The following KANSL1 variants were observed in gnomAD, a reference collection of about 807,000 sequenced individuals.
KANSL1 encodes KAT8 regulatory NSL complex subunit 1.
KANSL1 carries 22 observed loss-of-function variants against 103.6 expected under a neutral mutation model. The observed-to-expected ratio is 0.21, with a 90% CI of 0.15 to 0.30. The LOEUF (loss-of-function observed/expected upper bound fraction) is 0.30. Ranked by LOEUF, KANSL1 falls within the 10% of genes least tolerant of loss-of-function variation. KANSL1 has a pLI of 1.00. For synonymous variants in KANSL1, 600 were observed against 527.6 expected (o/e 1.14, Z -1.88); for missense variants, 1,337 against 1,399.8 (o/e 0.96, Z 0.72).
chr17:46,105,453 C>T (rs1454972840), intron 2 of KANSL1, among the ~76,000 whole-genome samples: 3 of 151,124 alleles, frequency 2.0e-5, no homozygotes, highest in African/African-American at 7.3e-5. Context: ...CCCGTCTCTA[C>T]TAAAAATACG....
chr17:46,167,850 G>A (rs557267707), intron 2 of KANSL1, among the ~76,000 whole-genome samples: 1 of 152,352 alleles, frequency 6.6e-6, no homozygotes, highest in East Asian at 1.9e-4. Flanking sequence ...TCCTCTGGGA[G>A]GTGGGAAAGA....
chr17:46,121,616 G>A (rs2147191248), intron 2 of KANSL1, among the ~76,000 whole-genome samples: 1 of 151,766 alleles, frequency 6.6e-6, no homozygotes, highest in South Asian at 2.1e-4. Context: ...ATTTTTTTCT[G>A]CATAGCATTT....
At chr17:46,121,740 T>C (rs1167715801) in intron 2 of KANSL1, among the ~76,000 whole-genome samples, 3 of 152,150 alleles carry the variant, frequency 2.0e-5, no homozygotes. Context: ...TAATTATTTG[T>C]TGAATGAATA....
chr17:46,154,999 C>CACA (rs1162710063), intron 2 of KANSL1, among the ~76,000 whole-genome samples: 3 of 152,214 alleles, frequency 2.0e-5, no homozygotes, highest in African/African-American at 7.2e-5. Context: ...ATAAAACAGA[C>CACA]ACAATGCTTA....
At chr17:46,111,454 C>T (rs377415308) in intron 2 of KANSL1, among the ~76,000 whole-genome samples, 9 of 152,332 alleles carry the variant, frequency 5.9e-5, no homozygotes, top group African/African-American at 2.2e-4. Context: ...AGATGATCCC[C>T]CTGCCTCCAC....
intron 1 of KANSL1, among the ~76,000 whole-genome samples, chr17:46,216,790 G>C (rs1475513812): frequency 6.6e-6 from 1 of 152,012 alleles, no homozygotes; most frequent in Non-Finnish European, 1.5e-5. Flanking sequence ...GGGCTGAATT[G>C]TGTTCCCCAA....
In KANSL1 at chr17:46,030,285, GAAAAA is replaced by G. The variant is rs910610046; in HGVS notation, c.*1186_*1190del. On this transcript the variant is annotated 3_prime_UTR_variant, in exon 15 of 15. Transcript: ENST00000432791. ...TGACAAACCCTTTAACTTGCAAACA[GAAAAA>G]AAAATCACTAATGTTGAAAATTGTG... The G allele has an allele frequency of 6.9e-6, 1 of 145,110 alleles. No homozygotes were observed. The highest frequency in any genetic ancestry group is 1.5e-5 in the Non-Finnish European group (1 of 65,944). The allele number at this position is 145,110 out of a possible 1,614,324, so 9.0% of individuals were successfully genotyped here.
At chr17:46,180,569 C>T (rs183843585) in intron 1 of KANSL1, among the ~76,000 whole-genome samples, 1 of 152,088 alleles carries the variant, frequency 6.6e-6, no homozygotes, top group Admixed American at 6.6e-5. Flanking sequence ...GCCTGTAGTC[C>T]CAGCTACTAG....
chr17:46,139,465 T>G (rs2044311985), intron 2 of KANSL1, among the ~76,000 whole-genome samples: 1 of 152,252 alleles, frequency 6.6e-6, no homozygotes, highest in Non-Finnish European at 1.5e-5. Flanking sequence ...TTCCTCCACC[T>G]GTGCCACTAC....
chr17:46,086,305 A>AAGT (rs1435295535), intron 3 of KANSL1, among the ~76,000 whole-genome samples: 2 of 152,226 alleles, frequency 1.3e-5, no homozygotes, highest in African/African-American at 4.8e-5. Context: ...GGTAGGGACC[A>AAGT]TCTATTCATC....
At chr17:46,191,310 T>C (rs577173485) in intron 1 of KANSL1, among the ~76,000 whole-genome samples, 19 of 152,348 alleles carry the variant, frequency 1.2e-4, no homozygotes, top group Admixed American at 9.1e-4. Context: ...TCACTGTTGA[T>C]AGGTTAAAAA....
At chr17:46,133,120 G>GA (rs1191313291) in intron 2 of KANSL1, among the ~76,000 whole-genome samples, 7 of 152,156 alleles carry the variant, frequency 4.6e-5, no homozygotes, top group Non-Finnish European at 1.0e-4. Flanking sequence ...ATTAACAGAA[G>GA]AAAAACTGAG....
intron 2 of KANSL1, among the ~76,000 whole-genome samples, chr17:46,155,155 ATTTTTTTTT>A (rs33974360): frequency 2.1e-4 from 22 of 103,854 alleles, no homozygotes; most frequent in African/African-American, 7.5e-4. Flanking sequence ...TCAGCCAGGG[ATTTTTTTTT>A]TTTTTTTTTT....
chr17:46,136,179 G>A (rs1239224485), intron 2 of KANSL1, among the ~76,000 whole-genome samples: 4 of 151,896 alleles, frequency 2.6e-5, no homozygotes, highest in Admixed American at 1.3e-4. Context: ...ATGTATTTGG[G>A]AAAATAATAA....
chr17:46,096,311 C>CTTTTTTTTTTTTTTTTTTTTTT lies in KANSL1; in HGVS notation c.1290-1611_1290-1610insAAAAAAAAAAAAAAAAAAAAAA, dbSNP rs71138525. 2.1e-3 allele frequency among the ~76,000 whole-genome samples: 164 copies of CTTTTTTTTTTTTTTTTTTTTTT among 76,404 alleles called. 9 individuals are homozygous for CTTTTTTTTTTTTTTTTTTTTTT. The highest frequency in any genetic ancestry group is 0.014 in the Middle Eastern group (1 of 70). 50.1% of individuals were successfully genotyped at this position (76,404 alleles called of 152,430 possible). A position where few individuals can be genotyped will look rare whatever the true frequency, so the allele number is the denominator to read the frequency against. ...CATACTACATACCTGGCTTTTTTTT[C>CTTTTTTTTTTTTTTTTTTTTTT]TTTTTTTTTTTTTTTTTTTTTGAGA... On this transcript the variant is annotated intron_variant, in intron 2 of 14. Coordinates refer to ENST00000432791, the MANE Select transcript of KANSL1 (RefSeq NM_015443.4).
At chr17:46,074,665 G>A (rs1051292626) in intron 4 of KANSL1, among the ~76,000 whole-genome samples, 1 of 152,044 alleles carries the variant, frequency 6.6e-6, no homozygotes, top group Admixed American at 6.5e-5. Context: ...TACTTGGGAG[G>A]CTGAGAGATG....
intron 2 of KANSL1, among the ~76,000 whole-genome samples, chr17:46,102,245 C>CATTTTTTTTTTTTTTTT (rs2042353395): frequency 6.6e-6 from 1 of 151,966 alleles, no homozygotes; most frequent in Admixed American, 6.6e-5. Flanking sequence ...AACAAATGTA[C>CATTTTTTTTTTTTTTTT]CAGAGCCAAT....
chr17:46,105,419 C>G (rs1468800512), intron 2 of KANSL1, among the ~76,000 whole-genome samples: 1 of 152,098 alleles, frequency 6.6e-6, no homozygotes, highest in Non-Finnish European at 1.5e-5. Flanking sequence ...GAGTTCAAGA[C>G]CAGCCTGACC....
intron 2 of KANSL1, among the ~76,000 whole-genome samples, chr17:46,099,544 A>C (rs2042224200): frequency 6.6e-6 from 1 of 152,242 alleles, no homozygotes; most frequent in Non-Finnish European, 1.5e-5. Flanking sequence ...TTGCAGAATA[A>C]TACTTTAAAT....
Sources: allele counts gnomAD v4.1 joint callset (sites outside exome capture counted in the v4.1 genomes callset), GRCh38; gene constraint gnomAD v4.1.1; transcripts MANE v1.5; gene names NCBI Gene and HGNC (gene_info 2026-07-23, HGNC 2026-07-21).